The following ANKRD36 variants were observed in gnomAD, a reference collection of about 807,000 sequenced individuals.
ANKRD36 encodes the protein ankyrin repeat domain-containing protein 36A.
A neutral mutation model predicts 278.1 loss-of-function variants in ANKRD36; 179 were observed. The ratio of observed to expected loss-of-function variants is 0.64; its 90% CI spans 0.57 to 0.73. The LOEUF is 0.73. ANKRD36 is among the 30% of genes least tolerant of loss of function. The probability of loss-of-function intolerance (pLI) is 0.00; values close to 1 mark genes in which losing one functional copy is unlikely to be tolerated. For synonymous variants in ANKRD36, 320 were observed against 641.1 expected (o/e 0.50, Z 7.57); for missense variants, 1,159 against 1,956.7 (o/e 0.59, Z 7.69).
At chr2:97,210,486 A>G (rs866461011) in intron 56 of ANKRD36, among the ~76,000 whole-genome samples, 3 of 151,880 alleles carry the variant, frequency 2.0e-5, no homozygotes, top group African/African-American at 7.2e-5. Context: ...GCAGGAAACA[A>G]TGGTATAATT....
chr2:97,217,396 T>C (rs1432811718), intron 64 of ANKRD36, 24 bp downstream of exon 64: 1 of 1,549,546 alleles, frequency 6.5e-7, no homozygotes, highest in Non-Finnish European at 8.7e-7. Context: ...ATACATTTAA[T>C]GTCATGTGCA....
intron 66 of ANKRD36, among the ~76,000 whole-genome samples, chr2:97,224,381 G>T: frequency 6.6e-6 from 1 of 151,692 alleles, no homozygotes; most frequent in East Asian, 2.0e-4. Flanking sequence ...TTATACTAAA[G>T]ATTAAGCTTC....
intron 20 of ANKRD36, among the ~76,000 whole-genome samples, chr2:97,166,320 A>G (rs1440548806): frequency 2.7e-5 from 4 of 149,274 alleles, no homozygotes; most frequent in Non-Finnish European, 4.5e-5. Flanking sequence ...AACTGTGTCT[A>G]TGGGAGAGAG....
intron 22 of ANKRD36, among the ~76,000 whole-genome samples, chr2:97,171,442 A>G (rs1360866153): frequency 2.8e-5 from 4 of 145,002 alleles, no homozygotes; most frequent in African/African-American, 5.1e-5. Flanking sequence ...TCAGTAAACT[A>G]TCGCAAGAAC....
intron 26 of ANKRD36, among the ~76,000 whole-genome samples, chr2:97,183,031 C>T (rs902203458): frequency 5.3e-5 from 8 of 151,606 alleles, no homozygotes; most frequent in East Asian, 3.9e-4. Context: ...GTTAAAAGAG[C>T]GTGATGAATA....
chr2:97,256,229 C>T (rs1460740562), intron 75 of ANKRD36, among the ~76,000 whole-genome samples: 5 of 145,442 alleles, frequency 3.4e-5, no homozygotes, highest in Non-Finnish European at 6.0e-5. Context: ...TGGTGGTGGG[C>T]GCCTGTAATC....
At chr2:97,125,029 T>A (rs1381056426) in intron 5 of ANKRD36, among the ~76,000 whole-genome samples, 1 of 151,764 alleles carries the variant, frequency 6.6e-6, no homozygotes, top group Non-Finnish European at 1.5e-5. Flanking sequence ...TCATGGAATT[T>A]TTCAAGAACC....
chr2:97,165,787 G>C (rs1332304419), intron 20 of ANKRD36, among the ~76,000 whole-genome samples: 1 of 152,266 alleles, frequency 6.6e-6, no homozygotes, highest in Non-Finnish European at 1.5e-5. Context: ...TGAATTTTTG[G>C]TAGAAATGAA....
intron 42 of ANKRD36, among the ~76,000 whole-genome samples, chr2:97,198,123 A>C (rs537583433): frequency 1.7e-3 from 260 of 151,980 alleles, no homozygotes; most frequent in African/African-American, 5.9e-3. Flanking sequence ...ACCTGCTTTG[A>C]CATTGATTCT....
At chr2:97,158,779 T>A in intron 17 of ANKRD36, 124 bp downstream of exon 17, 2 of 1,043,048 alleles carry the variant, frequency 1.9e-6, no homozygotes, top group Non-Finnish European at 2.7e-6. Context: ...TTGGAAAATA[T>A]TTTTCCCGTG....
intron 42 of ANKRD36, among the ~76,000 whole-genome samples, chr2:97,197,149 T>G (rs924173251): frequency 2.0e-4 from 31 of 151,920 alleles, no homozygotes; most frequent in African/African-American, 7.5e-4. Flanking sequence ...ATCATACTGC[T>G]AAAAACAGAC....
rs182028732 is a variant in ANKRD36 at position 97,137,366 on chromosome 2, G to A, written c.800-5274G>A. Among the ~76,000 whole-genome samples, 374 of 151,840 alleles carry A rather than the reference G, an allele frequency of 2.5e-3. 6 individuals carry two copies. Among genetic ancestry groups the A allele is most frequent in the Admixed American group, 4.0e-3 (61 of 15,168 alleles). ...GATTTCACCATGTTTGGCCAGGCTG[G>A]TCTCAAACTTTTGGCCTCATGTGAT... On this transcript the variant is annotated intron_variant, in intron 6 of 75. Transcript: ENST00000420699.
At chr2:97,144,852 G>T (rs1233051587) in intron 10 of ANKRD36, 140 bp downstream of exon 10, 21 of 1,237,744 alleles carry the variant, frequency 1.7e-5, no homozygotes, top group African/African-American at 4.6e-5. Context: ...AATAAGTTCT[G>T]GAGTGATGGT....
chr2:97,163,590 T>C (rs2049744701), intron 18 of ANKRD36: 1 of 214,868 alleles, frequency 4.7e-6, no homozygotes, highest in South Asian at 5.8e-5. Flanking sequence ...TTTTCTTTTT[T>C]TTTGAGACGG....
In ANKRD36 at chr2:97,174,966, G is replaced by A. The variant is rs550977852; in HGVS notation, c.1634-4772G>A. 9.8e-5 allele frequency among the ~76,000 whole-genome samples: 14 copies of A among 143,402 alleles called. 1 individual carries two copies. The South Asian group carries it at 3.2e-3, about 33-fold the overall frequency. 94.1% of individuals were successfully genotyped at this position (143,402 alleles called of 152,430 possible). A position where few individuals can be genotyped will look rare whatever the true frequency, so the allele number is the denominator to read the frequency against. On this transcript the variant is annotated intron_variant, in intron 22 of 75. Coordinates refer to ENST00000420699, the MANE Select transcript of ANKRD36 (RefSeq NM_001354587.1). ...TATATTGAACCAGCCTTGCATCCCA[G>A]GGATGAAGCCCACTTGATCATGGTG...
intron 67 of ANKRD36, among the ~76,000 whole-genome samples, chr2:97,230,258 G>A (rs1384507131): frequency 2.6e-5 from 4 of 152,068 alleles, no homozygotes; most frequent in Non-Finnish European, 2.9e-5. Flanking sequence ...CATTCTCCCC[G>A]TGACTTTCAG....
intron 6 of ANKRD36, among the ~76,000 whole-genome samples, chr2:97,139,269 A>T (rs906987633): frequency 3.3e-5 from 5 of 151,932 alleles, no homozygotes; most frequent in African/African-American, 1.2e-4. Context: ...CTTATTGATG[A>T]CATGTAACCA....
At chr2:97,243,218 A>G (rs1432834040) in intron 69 of ANKRD36, among the ~76,000 whole-genome samples, 8 of 146,640 alleles carry the variant, frequency 5.5e-5, no homozygotes, top group African/African-American at 1.9e-4. Context: ...GAGAAGCATG[A>G]GACAGCAATC....
rs946064417 is a variant in ANKRD36, at chr2:97,130,615, C to T, written c.799+3481C>T. On this transcript the variant is annotated intron_variant, in intron 6 of 75. Transcript: ENST00000420699. ...AAAAAAAAAAGAAGTAGCCTACATA[C>T]GAGCAGTTTGGAGAAGCTGATGTCT... 6.8e-5 allele frequency among the ~76,000 whole-genome samples: 10 copies of T among 147,398 alleles called. 1 individual carries two copies. Among genetic ancestry groups the T allele is most frequent in the Non-Finnish European group, 1.1e-4 (7 of 65,966 alleles).
Sources: allele counts gnomAD v4.1 joint callset (sites outside exome capture counted in the v4.1 genomes callset), GRCh38; gene constraint gnomAD v4.1.1; transcripts MANE v1.5; gene names NCBI Gene and HGNC (gene_info 2026-07-23, HGNC 2026-07-21).